MARCHF1: variants seen among roughly 807,000 people sequenced by gnomAD.
MARCHF1 encodes membrane associated ring-CH-type finger 1, also known as E3 ubiquitin-protein ligase MARCHF1.
In MARCHF1, 40 loss-of-function variants were observed where a neutral mutation model predicts 54.2. The ratio of observed to expected loss-of-function variants is 0.74; its 90% CI spans 0.57 to 0.96. The LOEUF is 0.96. Among genes scored for constraint, MARCHF1 ranks in the 40% least tolerant of loss-of-function variants. The pLI is 0.00. For synonymous variants in MARCHF1, 236 were observed against 236.3 expected (o/e 1.00, Z 0.01); for missense variants, 586 against 656.5 (o/e 0.89, Z 1.17).
chr4:163,977,666 C>T (rs535761157), intron 3 of MARCHF1, among the ~76,000 whole-genome samples: 1 of 152,016 alleles, frequency 6.6e-6, no homozygotes, highest in Non-Finnish European at 1.5e-5. Flanking sequence ...GTTGTTAGTA[C>T]AACAATTTAA....
chr4:164,336,493 T>C (rs1052948724), intron 1 of MARCHF1, among the ~76,000 whole-genome samples: 1 of 152,330 alleles, frequency 6.6e-6, no homozygotes, highest in South Asian at 2.1e-4. Context: ...GCAAAAGTTA[T>C]ACGCTTTTTC....
chr4:164,269,358 A>G (rs1235780645), intron 1 of MARCHF1, among the ~76,000 whole-genome samples: 2 of 152,024 alleles, frequency 1.3e-5, no homozygotes, highest in Non-Finnish European at 2.9e-5. Context: ...TCACAAGAAC[A>G]CTTGCCTAGC....
intron 5 of MARCHF1, among the ~76,000 whole-genome samples, chr4:163,674,653 G>A (rs1488980564): frequency 6.6e-6 from 1 of 151,996 alleles, no homozygotes; most frequent in East Asian, 1.9e-4. Context: ...GGGAAACAGG[G>A]GCTCACAAAT....
chr4:164,190,073 C>T, intron 1 of MARCHF1: 1 of 1,410,252 alleles, frequency 7.1e-7, no homozygotes, highest in East Asian at 2.3e-5. Context: ...AGCTGGAAAG[C>T]TATGGCTATT....
chr4:164,060,668 T>C (rs1232172655), intron 2 of MARCHF1, among the ~76,000 whole-genome samples: 4 of 152,132 alleles, frequency 2.6e-5, no homozygotes, highest in African/African-American at 9.7e-5. Flanking sequence ...ACATCCAGCA[T>C]TCTTTATAGT....
chr4:163,843,627 A>G (rs950051253), intron 4 of MARCHF1, among the ~76,000 whole-genome samples: 11 of 151,834 alleles, frequency 7.2e-5, no homozygotes, highest in African/African-American at 2.7e-4. Context: ...TGCTACATCT[A>G]TCAACCCATC....
chr4:163,848,333 T>C (rs968751638), intron 4 of MARCHF1, among the ~76,000 whole-genome samples: 9 of 152,310 alleles, frequency 5.9e-5, no homozygotes, highest in South Asian at 2.1e-4. Flanking sequence ...ATCAAACACA[T>C]AGAGTGACAC....
chr4:163,889,448 A>G (rs1173332532), intron 3 of MARCHF1, among the ~76,000 whole-genome samples: 1 of 135,192 alleles, frequency 7.4e-6, no homozygotes, highest in Non-Finnish European at 1.6e-5. Context: ...AAGCATTTAC[A>G]CTAAATTTTA....
chr4:164,109,578 T>G (rs946698299), intron 2 of MARCHF1, among the ~76,000 whole-genome samples: 1 of 151,914 alleles, frequency 6.6e-6, no homozygotes, highest in African/African-American at 2.4e-5. Flanking sequence ...TTCTTCATCA[T>G]AATTTTTATT....
intron 5 of MARCHF1, among the ~76,000 whole-genome samples, chr4:163,684,794 T>C (rs1389938922): frequency 2.0e-5 from 3 of 152,210 alleles, no homozygotes; most frequent in Non-Finnish European, 4.4e-5. Flanking sequence ...AATTTTCAAA[T>C]AAACACAAAA....
intron 2 of MARCHF1, among the ~76,000 whole-genome samples, chr4:164,038,836 GATT>G (rs1359375942): frequency 1.3e-5 from 2 of 152,072 alleles, no homozygotes; most frequent in Admixed American, 6.6e-5. Context: ...TATGATCTGA[GATT>G]ATTAAACCTT....
intron 1 of MARCHF1, chr4:164,197,295 T>C (rs1731298864): frequency 1.9e-6 from 3 of 1,611,698 alleles, no homozygotes; most frequent in East Asian, 2.2e-5. Context: ...TGTCGAGATA[T>C]GTGAGTTGCA....
intron 9 of MARCHF1, among the ~76,000 whole-genome samples, chr4:163,534,623 G>A (rs573922199): frequency 8.0e-4 from 122 of 152,074 alleles, no homozygotes; most frequent in African/African-American, 2.8e-3. Context: ...AAAACAAATC[G>A]TCAAGAAAAC....
At chr4:163,662,637 C>T (rs1354130990) in intron 5 of MARCHF1, among the ~76,000 whole-genome samples, 1 of 151,994 alleles carries the variant, frequency 6.6e-6, no homozygotes, top group Non-Finnish European at 1.5e-5. Context: ...ATCTGTTGAT[C>T]TCTGGATATT....
chr4:163,659,104 C>A (rs1743254438), intron 5 of MARCHF1, among the ~76,000 whole-genome samples: 1 of 151,812 alleles, frequency 6.6e-6, no homozygotes. Context: ...TTAGAGTCAG[C>A]CATCTTTCTT....
intron 8 of MARCHF1, chr4:163,585,495 G>A (rs1229150817): frequency 1.0e-5 from 3 of 285,798 alleles, no homozygotes; most frequent in East Asian, 6.2e-5. Context: ...TATCTATTAC[G>A]TGCACACACT....
At position 163,669,670 on chromosome 4, in the gene MARCHF1, C is replaced by T. The variant is rs183247896; in HGVS notation, c.162+31143G>A. 1.9e-3 allele frequency among the ~76,000 whole-genome samples: 293 copies of T among 150,978 alleles called. 1 individual carries two copies. The highest frequency in any genetic ancestry group is 6.8e-3 in the African/African-American group (278 of 41,100). On this transcript the variant is annotated intron_variant, in intron 5 of 9. Transcript: ENST00000514618. The stretch of plus-strand genomic sequence containing the variant: ...CTGGAGTGCAATGGCACAATCTTGG[C>T]TCACTACAACCTCTGCCTCCCCAGT...
chr4:163,938,159 T>C (rs981535400), intron 3 of MARCHF1, among the ~76,000 whole-genome samples: 1 of 152,278 alleles, frequency 6.6e-6, no homozygotes, highest in Admixed American at 6.5e-5. Context: ...TATGAACCCA[T>C]TTGGCACACT....
chr4:163,621,715 C>T (rs1321408933), intron 5 of MARCHF1, among the ~76,000 whole-genome samples: 5 of 152,180 alleles, frequency 3.3e-5, no homozygotes, highest in African/African-American at 1.2e-4. Flanking sequence ...CTGCTTACTA[C>T]TACTTGCTGC....
Sources: gnomAD v4.1 joint callset for allele counts (sites outside exome capture counted in the v4.1 genomes callset) on GRCh38, gnomAD v4.1.1 for gene constraint, MANE v1.5 for transcripts, NCBI Gene and HGNC (gene_info 2026-07-23, HGNC 2026-07-21) for gene names.